DIP2C: variants seen among roughly 807,000 people sequenced by gnomAD.
DIP2C encodes DIP2 acetate--CoA ligase C (putative).
A neutral mutation model predicts 192.4 loss-of-function variants in DIP2C; 33 were observed. That is an observed-to-expected ratio of 0.17 (90% confidence interval 0.13 to 0.23). DIP2C has a LOEUF of 0.23. Among genes scored for constraint, DIP2C ranks in the 10% least tolerant of loss-of-function variants. DIP2C has a pLI of 1.00. For synonymous variants in DIP2C, 979 were observed against 864.1 expected (o/e 1.13, Z -2.33); for missense variants, 1,537 against 2,110.1 (o/e 0.73, Z 5.32).
chr10:453,166 T>C (rs964254398), intron 3 of DIP2C, among the ~76,000 whole-genome samples: 9 of 152,180 alleles, frequency 5.9e-5, no homozygotes, highest in African/African-American at 2.2e-4. Context: ...ATAAATGAAA[T>C]CTAGCAGCTG....
At chr10:392,585 G>A (rs951341288) in intron 10 of DIP2C, among the ~76,000 whole-genome samples, 9 of 152,164 alleles carry the variant, frequency 5.9e-5, no homozygotes, top group Non-Finnish European at 1.0e-4. Flanking sequence ...CCCGTCAGAC[G>A]CCAGCCCTCA....
At chr10:453,606 A>C (rs545576638) in intron 3 of DIP2C, among the ~76,000 whole-genome samples, 1 of 152,364 alleles carries the variant, frequency 6.6e-6, no homozygotes, top group East Asian at 1.9e-4. Context: ...GTGACGGCTT[A>C]AAATTTCACG....
At chr10:531,252 C>G (rs1174139973) in intron 1 of DIP2C, among the ~76,000 whole-genome samples, 1 of 152,114 alleles carries the variant, frequency 6.6e-6, no homozygotes, top group African/African-American at 2.4e-5. Context: ...TGAGCACACA[C>G]AGCGAACAAA....
intron 2 of DIP2C, among the ~76,000 whole-genome samples, chr10:480,890 C>G (rs562595917): frequency 4.6e-5 from 7 of 152,188 alleles, no homozygotes; most frequent in Admixed American, 3.9e-4. Context: ...GAAAGATTCA[C>G]GCTATGTCAC....
At chr10:564,007 G>A (rs952939030) in intron 1 of DIP2C, among the ~76,000 whole-genome samples, 1 of 152,222 alleles carries the variant, frequency 6.6e-6, no homozygotes, top group Non-Finnish European at 1.5e-5. Flanking sequence ...TCAATTATTT[G>A]AGAGAAGATT....
chr10:477,917 C>CAGGAAAAGAG (rs1314001634), intron 2 of DIP2C, among the ~76,000 whole-genome samples: 5 of 86,256 alleles, frequency 5.8e-5, no homozygotes, highest in Non-Finnish European at 1.1e-4. Context: ...AAAGAAAAGA[C>CAGGAAAAGAG]AGGAAAAGAG....
chr10:564,228 C>T (rs1363157473), intron 1 of DIP2C, among the ~76,000 whole-genome samples: 1 of 151,946 alleles, frequency 6.6e-6, no homozygotes, highest in Non-Finnish European at 1.5e-5. Flanking sequence ...CACCCCCGCA[C>T]GTGGTTGAGG....
intron 4 of DIP2C, among the ~76,000 whole-genome samples, chr10:434,216 G>A (rs1406653689): frequency 6.6e-6 from 1 of 152,156 alleles, no homozygotes; most frequent in Non-Finnish European, 1.5e-5. Flanking sequence ...TATTATGAAT[G>A]AACTGTTACA....
rs1960068749 is a variant in DIP2C, at chr10:365,375, A to C, written c.2269-793T>G. Reference sequence around the variant, plus strand: ...GCATGAGACCCCATATGTACACAAGAATTTTTTTTTTAATTATTCAGGTGT... The same window carrying C: ...GCATGAGACCCCATATGTACACAAGCATTTTTTTTTTAATTATTCAGGTGT... On this transcript the variant is annotated intron_variant, in intron 19 of 36. Coordinates refer to ENST00000280886, the MANE Select transcript of DIP2C (RefSeq NM_014974.3). 2.0e-5 allele frequency among the ~76,000 whole-genome samples: 3 copies of C among 152,142 alleles called. No homozygotes were observed. In the South Asian group the frequency reaches 6.3e-4, roughly 32 times the overall value.
intron 3 of DIP2C, among the ~76,000 whole-genome samples, chr10:441,791 C>T (rs1025040309): frequency 5.3e-5 from 8 of 152,162 alleles, no homozygotes; most frequent in Non-Finnish European, 7.3e-5. Context: ...ACCATTAACA[C>T]GCTTTGTGGC....
intron 17 of DIP2C, among the ~76,000 whole-genome samples, chr10:379,693 G>A (rs1589658746): frequency 1.3e-5 from 2 of 152,246 alleles, no homozygotes; most frequent in South Asian, 2.1e-4. Flanking sequence ...GTAAGCAAAT[G>A]CATCTGCAAT....
At chr10:370,886 A>G (rs1960871546) in intron 17 of DIP2C, among the ~76,000 whole-genome samples, 1 of 152,244 alleles carries the variant, frequency 6.6e-6, no homozygotes, top group Admixed American at 6.5e-5. Flanking sequence ...TCTCATTTGA[A>G]TGAAGTAACT....
chr10:374,462 C>A (rs1208460820), intron 17 of DIP2C, among the ~76,000 whole-genome samples: 1 of 152,166 alleles, frequency 6.6e-6, no homozygotes, highest in East Asian at 1.9e-4. Flanking sequence ...GAGATGGGTG[C>A]AGCACCATGA....
At chr10:531,851 T>C (rs921562014) in intron 1 of DIP2C, among the ~76,000 whole-genome samples, 1 of 152,214 alleles carries the variant, frequency 6.6e-6, no homozygotes, top group African/African-American at 2.4e-5. Flanking sequence ...CAGGCAACGC[T>C]TGCAACTCCA....
chr10:477,793 GGGAA>G (rs1344354496), intron 2 of DIP2C, among the ~76,000 whole-genome samples: 2 of 134,058 alleles, frequency 1.5e-5, no homozygotes, highest in Non-Finnish European at 3.2e-5. Flanking sequence ...AGAGAAAGAA[GGGAA>G]GGAAGGAAAG....
chr10:597,268 C>T (rs968841069), intron 1 of DIP2C, among the ~76,000 whole-genome samples: 3 of 152,206 alleles, frequency 2.0e-5, no homozygotes, highest in Non-Finnish European at 2.9e-5. Context: ...TGAGCCACAC[C>T]CTCCCAGGCC....
intron 26 of DIP2C, among the ~76,000 whole-genome samples, chr10:346,609 G>T (rs878934691): frequency 2.3e-5 from 3 of 129,796 alleles, no homozygotes; most frequent in Admixed American, 7.9e-5. Flanking sequence ...CAGACACACC[G>T]CGCATAGTTC....
intron 1 of DIP2C, among the ~76,000 whole-genome samples, chr10:529,360 TGA>T (rs1382717992): frequency 6.6e-6 from 1 of 152,194 alleles, no homozygotes; most frequent in African/African-American, 2.4e-5. Context: ...TAATTAAGCT[TGA>T]GAGAGGAAGA....
intron 1 of DIP2C, among the ~76,000 whole-genome samples, chr10:533,095 C>CA: frequency 6.6e-6 from 1 of 152,326 alleles, no homozygotes; most frequent in East Asian, 1.9e-4. Context: ...CACACTCTCA[C>CA]AGCTCGAGGG....
Sources: gnomAD v4.1 joint callset for allele counts (sites outside exome capture counted in the v4.1 genomes callset) on GRCh38, gnomAD v4.1.1 for gene constraint, MANE v1.5 for transcripts, NCBI Gene and HGNC (gene_info 2026-07-23, HGNC 2026-07-21) for gene names.